Variants in PCDHA2 observed in about 807,000 individuals in gnomAD.
PCDHA2 encodes protocadherin alpha 2, also known as protocadherin alpha-2.
Under a neutral mutation model 66.0 loss-of-function variants are expected in PCDHA2, and 58 were observed. That is an observed-to-expected ratio of 0.88 (90% CI 0.71 to 1.09). The LOEUF (loss-of-function observed/expected upper bound fraction) is 1.09. PCDHA2 is among the 50% of genes least tolerant of loss of function. The pLI is 0.00. For missense variants in PCDHA2, 1,267 were observed against 1,242.3 expected, an observed-to-expected ratio of 1.02 and a Z score of -0.30; for synonymous variants, 634 against 554.0, an observed-to-expected ratio of 1.14 and a Z score of -2.03.
intron 1 of PCDHA2, chr5:140,929,227 G>A (rs141300036): frequency 6.2e-6 from 10 of 1,613,774 alleles, no homozygotes; most frequent in Admixed American, 5.0e-5. Context: ...CAATGCTGCC[G>A]ACCTGCGAAA....
Position 140,858,084 on chromosome 5 carries a change from C to T in PCDHA2, c.2388+60732C>T, listed in dbSNP as rs781886260. 2 of 1,597,664 alleles carry T rather than the reference C, an allele frequency of 1.3e-6. No homozygotes were observed. Among genetic ancestry groups the T allele is most frequent in the Admixed American group, 1.7e-5 (1 of 59,290 alleles). ...GGCAGCCAGGCACCCAAGGCCTCGT[C>T]GCGGGCTTCAGTGGGCGTGGCGCCC... is the stretch of plus-strand genomic sequence containing the variant. On this transcript the variant is annotated intron_variant, in intron 1 of 3. Transcript: ENST00000526136.
At chr5:140,864,854 A>T (rs1554159169) in intron 1 of PCDHA2, 1 of 152,178 alleles carries the variant, frequency 6.6e-6, no homozygotes, top group Non-Finnish European at 1.5e-5. Context: ...CCCATACATG[A>T]TGAAGGGTGA....
At chr5:140,801,860 G>A (rs782551958) in intron 1 of PCDHA2, 1 of 1,614,088 alleles carries the variant, frequency 6.2e-7, no homozygotes, top group African/African-American at 1.3e-5. Flanking sequence ...GGAAACCAGA[G>A]CTCACTGGCA....
At chr5:140,853,548 C>T in intron 1 of PCDHA2, 1 of 978,800 alleles carries the variant, frequency 1.0e-6, no homozygotes. Flanking sequence ...GTTGTAATTA[C>T]TATATAGGAA....
chr5:140,849,485 G>A, intron 1 of PCDHA2: 1 of 1,590,948 alleles, frequency 6.3e-7, no homozygotes, highest in African/African-American at 1.4e-5. Flanking sequence ...TCCCACCCCT[G>A]GCTGGTCATT....
At chr5:140,872,472 A>T (rs1251918712) in intron 1 of PCDHA2, among the ~76,000 whole-genome samples, 1 of 152,106 alleles carries the variant, frequency 6.6e-6, no homozygotes, top group South Asian at 2.1e-4. Context: ...ATAAAAAATT[A>T]AAAAATTAGC....
intron 1 of PCDHA2, among the ~76,000 whole-genome samples, chr5:140,948,191 C>A (rs2094221032): frequency 6.6e-6 from 1 of 151,562 alleles, no homozygotes; most frequent in African/African-American, 2.4e-5. Context: ...CCCACTTAGT[C>A]ATGATATATT....
At chr5:140,836,991 C>A in intron 1 of PCDHA2, 2 of 347,628 alleles carry the variant, frequency 5.8e-6, no homozygotes, top group Non-Finnish European at 1.0e-5. Context: ...GAGGACTTTG[C>A]TAACTGGAGC....
Position 140,857,539 on chromosome 5 carries a change from G to A in PCDHA2, c.2388+60187G>A, listed in dbSNP as rs782469087. The A allele has an allele frequency of 1.3e-5, 20 of 1,597,384 alleles. 1 individual carries two copies. Among genetic ancestry groups the A allele is most frequent in the Non-Finnish European group, 1.7e-5 (20 of 1,167,720 alleles). ...TGTCCTACTCTCTGGTGGAGCGGCG[G>A]TTGGGCGAGCGCTCGCTGTCGAGCT... On this transcript the variant is annotated intron_variant, in intron 1 of 3. Coordinates refer to ENST00000526136, the MANE Select transcript of PCDHA2 (RefSeq NM_018905.3).
intron 1 of PCDHA2, chr5:140,808,433 G>A: frequency 6.2e-7 from 1 of 1,614,160 alleles, no homozygotes. Context: ...CCTGGACCGC[G>A]AGAGCGTGTC....
At chr5:140,839,060 G>C (rs1253852063) in intron 1 of PCDHA2, among the ~76,000 whole-genome samples, 1 of 151,930 alleles carries the variant, frequency 6.6e-6, no homozygotes, top group Admixed American at 6.6e-5. Context: ...TAAGGATAGA[G>C]GTATGCAAAG....
intron 3 of PCDHA2, among the ~76,000 whole-genome samples, chr5:140,989,670 C>T (rs907417768): frequency 6.6e-6 from 1 of 152,104 alleles, no homozygotes; most frequent in African/African-American, 2.4e-5. Flanking sequence ...GAAACTCTGC[C>T]CAGATTTCAA....
At chr5:140,966,962 G>T (rs370831122) in intron 1 of PCDHA2, 4 of 1,602,632 alleles carry the variant, frequency 2.5e-6, no homozygotes, top group Non-Finnish European at 3.4e-6. Context: ...TCGCGCGCTG[G>T]GGCTTGAGCT....
At chr5:140,987,824 G>A (rs1032765154) in intron 3 of PCDHA2, among the ~76,000 whole-genome samples, 1 of 151,972 alleles carries the variant, frequency 6.6e-6, no homozygotes, top group Non-Finnish European at 1.5e-5. Flanking sequence ...TGTTTCCTTA[G>A]GGGATTGCTT....
intron 1 of PCDHA2, among the ~76,000 whole-genome samples, chr5:140,878,960 A>G (rs1028687741): frequency 6.6e-6 from 1 of 152,322 alleles, no homozygotes; most frequent in African/African-American, 2.4e-5. Context: ...GAAATGTATT[A>G]CCTGGACATT....
intron 1 of PCDHA2, among the ~76,000 whole-genome samples, chr5:140,840,629 G>C (rs190376919): frequency 6.6e-6 from 1 of 152,022 alleles, no homozygotes; most frequent in South Asian, 2.1e-4. Flanking sequence ...ACAAGCTATA[G>C]AGATATAGAG....
intron 1 of PCDHA2, chr5:140,883,651 G>A (rs782597421): frequency 1.9e-6 from 3 of 1,613,652 alleles, no homozygotes; most frequent in Middle Eastern, 1.7e-4. Flanking sequence ...CCGAGTACAC[G>A]GTGTTCGTGA....
chr5:140,836,655 G>T (rs1774657436), intron 1 of PCDHA2: 1 of 1,613,354 alleles, frequency 6.2e-7, no homozygotes, highest in African/African-American at 1.3e-5. Context: ...GCGGCAGAGG[G>T]TGTGCTCTGG....
intron 1 of PCDHA2, chr5:140,823,918 C>A (rs2150130330): frequency 1.9e-6 from 3 of 1,614,018 alleles, no homozygotes; most frequent in Non-Finnish European, 2.5e-6. Flanking sequence ...GCTCACGCTG[C>A]TGCTGTACAC....
Sources: allele counts gnomAD v4.1 joint callset (sites outside exome capture counted in the v4.1 genomes callset), GRCh38; gene constraint gnomAD v4.1.1; transcripts MANE v1.5; gene names NCBI Gene and HGNC (gene_info 2026-07-23, HGNC 2026-07-21).